The following DAPK1 variants were observed in gnomAD, a reference collection of about 807,000 sequenced individuals.
DAPK1 encodes the protein death-associated protein kinase 1.
In DAPK1, 56 loss-of-function variants were observed where a neutral mutation model predicts 144.9. The ratio of observed to expected loss-of-function variants is 0.39; its 90% confidence interval spans 0.31 to 0.48. The LOEUF is 0.48. Ranked by LOEUF, DAPK1 falls within the 20% of genes least tolerant of loss-of-function variation. DAPK1 has a pLI of 0.95. For missense variants in DAPK1, 1,454 were observed against 1,875.4 expected, an observed-to-expected ratio of 0.78 and a Z score of 4.15; for synonymous variants, 690 against 749.0, an observed-to-expected ratio of 0.92 and a Z score of 1.29.
At chr9:87,691,304 A>G (rs987498113) in intron 21 of DAPK1, among the ~76,000 whole-genome samples, 3 of 151,880 alleles carry the variant, frequency 2.0e-5, no homozygotes, top group Non-Finnish European at 4.4e-5. Flanking sequence ...ACCTCTGATG[A>G]TCTTTGGTAT....
chr9:87,627,363 C>G (rs552485935), intron 3 of DAPK1, among the ~76,000 whole-genome samples: 1 of 152,290 alleles, frequency 6.6e-6, no homozygotes, highest in African/African-American at 2.4e-5. Context: ...TTACTGAGAG[C>G]TGAGAATGAC....
intron 2 of DAPK1, among the ~76,000 whole-genome samples, chr9:87,588,890 T>TG (rs1274645978): frequency 1.3e-5 from 2 of 151,280 alleles, no homozygotes; most frequent in Non-Finnish European, 2.9e-5. Context: ...CATCTTTTTC[T>TG]GGGGGGCGGG....
At chr9:87,508,087 G>A (rs1322119791) in intron 2 of DAPK1, among the ~76,000 whole-genome samples, 2 of 151,792 alleles carry the variant, frequency 1.3e-5, no homozygotes, top group Admixed American at 6.6e-5. Flanking sequence ...CTCTTGGCTC[G>A]CTGCAACCTC....
At chr9:87,561,094 A>G (rs1826898829) in intron 2 of DAPK1, among the ~76,000 whole-genome samples, 1 of 151,844 alleles carries the variant, frequency 6.6e-6, no homozygotes, top group Non-Finnish European at 1.5e-5. Context: ...CTTTCCCTTC[A>G]TTTTCCCCAA....
rs10659497 is a variant in DAPK1 at position 87,582,557 on chromosome 9, C to CTTTTTTTTTTTTTTTTTTTTTTTT, written c.63-22382_63-22381insTTTTTTTTTTTTTTTTTTTTTTTT. On this transcript the variant is annotated intron_variant, in intron 2 of 25. Coordinates refer to ENST00000408954, the MANE Select transcript of DAPK1 (RefSeq NM_004938.4). The stretch of plus-strand genomic sequence containing the variant: ...TGGTCACACTTTGCCAATTTTCCTG[C>CTTTTTTTTTTTTTTTTTTTTTTTT]TTTTTTTTTTTTTTTGAGATGGAAT... Among the ~76,000 whole-genome samples, 2 of 139,500 alleles carry CTTTTTTTTTTTTTTTTTTTTTTTT rather than the reference C, an allele frequency of 1.4e-5. 1 individual carries two copies. The allele number at this position is 139,500 out of a possible 152,430, so 91.5% of individuals were successfully genotyped here. A position where few individuals can be genotyped will look rare whatever the true frequency, so the allele number is the denominator to read the frequency against.
At chr9:87,579,335 T>C (rs1233309714) in intron 2 of DAPK1, among the ~76,000 whole-genome samples, 1 of 152,194 alleles carries the variant, frequency 6.6e-6, no homozygotes, top group Non-Finnish European at 1.5e-5. Flanking sequence ...TCAAACTGAG[T>C]GTGCATTACC....
intron 2 of DAPK1, among the ~76,000 whole-genome samples, chr9:87,543,719 T>C (rs1826135249): frequency 6.6e-6 from 1 of 152,224 alleles, no homozygotes; most frequent in African/African-American, 2.4e-5. Flanking sequence ...AAATGCATTA[T>C]CTTTGCTATG....
Position 87,621,353 on chromosome 9 carries a change from G to A in DAPK1, c.284+16178G>A, listed in dbSNP as rs754566013. 3.3e-5 allele frequency among the ~76,000 whole-genome samples: 5 copies of A among 152,196 alleles called. 1 individual carries two copies. Among genetic ancestry groups the A allele is most frequent in the Admixed American group, 6.5e-5 (1 of 15,284 alleles). On this transcript the variant is annotated intron_variant, in intron 3 of 25. Transcript: ENST00000408954. ...ACCCACATCCCGTTTACAGCGACCC[G>A]GTTGTCAGGCTCGGCCATTGCACTG...
intron 2 of DAPK1, among the ~76,000 whole-genome samples, chr9:87,524,795 A>G (rs1173549617): frequency 6.6e-6 from 1 of 152,250 alleles, no homozygotes; most frequent in East Asian, 1.9e-4. Context: ...AAGAATGGAA[A>G]ACTAAATATT....
chr9:87,689,508 TGTTTA>T (rs1370490233), intron 21 of DAPK1, among the ~76,000 whole-genome samples: 2 of 152,354 alleles, frequency 1.3e-5, no homozygotes, highest in South Asian at 4.1e-4. Context: ...GTGCAAAAAC[TGTTTA>T]GTTTAATACA....
chr9:87,513,477 G>A (rs1824929558), intron 2 of DAPK1, among the ~76,000 whole-genome samples: 1 of 152,228 alleles, frequency 6.6e-6, no homozygotes. Context: ...GGGTATGTAT[G>A]TATGTCTCTA....
chr9:87,571,868 G>A (rs1827375016), intron 2 of DAPK1, among the ~76,000 whole-genome samples: 1 of 152,198 alleles, frequency 6.6e-6, no homozygotes, highest in South Asian at 2.1e-4. Context: ...TCCTTCTGAG[G>A]GGCTAAGTGG....
chr9:87,655,697 A>AT (rs1404044678), intron 17 of DAPK1, among the ~76,000 whole-genome samples: 4 of 152,184 alleles, frequency 2.6e-5, no homozygotes, highest in African/African-American at 9.7e-5. Flanking sequence ...CCTCCTTCTC[A>AT]TATGGAAATC....
At chr9:87,629,219 C>CAG (rs1370304156) in intron 3 of DAPK1, among the ~76,000 whole-genome samples, 1 of 152,144 alleles carries the variant, frequency 6.6e-6, no homozygotes, top group Non-Finnish European at 1.5e-5. Context: ...GATGCAGACA[C>CAG]AGACGTGTGT....
chr9:87,617,554 C>A (rs529448539), intron 3 of DAPK1, among the ~76,000 whole-genome samples: 11 of 152,356 alleles, frequency 7.2e-5, no homozygotes, highest in Non-Finnish European at 1.5e-4. Context: ...ATTCCCCCTT[C>A]AGATCACTTT....
At chr9:87,669,772 G>GC (rs1554701822) in intron 19 of DAPK1, among the ~76,000 whole-genome samples, 1 of 151,712 alleles carries the variant, frequency 6.6e-6, no homozygotes, top group East Asian at 1.9e-4. Flanking sequence ...GCAGGGGGGG[G>GC]CCACAGATTG....
chr9:87,668,284 G>A lies in DAPK1; in HGVS notation c.1924-313G>A, dbSNP rs36216041. 6.4e-3 allele frequency among the ~76,000 whole-genome samples: 977 copies of A among 152,280 alleles called. 13 individuals are homozygous for A. The highest frequency in any genetic ancestry group is 0.022 in the African/African-American group (914 of 41,556). ...ATTGGAGATTGGAGAGAGGGGTTCAGGACAGGGAGGAACCAGCCAGCTGAG... is the reference window on the plus strand; with the variant it reads ...ATTGGAGATTGGAGAGAGGGGTTCAAGACAGGGAGGAACCAGCCAGCTGAG... On this transcript the variant is annotated intron_variant, in intron 18 of 25. Coordinates refer to ENST00000408954, the MANE Select transcript of DAPK1 (RefSeq NM_004938.4).
At chr9:87,577,811 A>G (rs1184508099) in intron 2 of DAPK1, among the ~76,000 whole-genome samples, 1 of 152,172 alleles carries the variant, frequency 6.6e-6, no homozygotes, top group African/African-American at 2.4e-5. Flanking sequence ...AAAATAAAAA[A>G]TAAAAAAAGA....
intron 25 of DAPK1, among the ~76,000 whole-genome samples, chr9:87,704,135 A>G: frequency 6.6e-6 from 1 of 152,170 alleles, no homozygotes; most frequent in East Asian, 1.9e-4. Context: ...ATCAGCCTTT[A>G]AACTCCCAGT....
Sources: allele counts gnomAD v4.1 joint callset (sites outside exome capture counted in the v4.1 genomes callset), GRCh38; gene constraint gnomAD v4.1.1; transcripts MANE v1.5; gene names NCBI Gene and HGNC (gene_info 2026-07-23, HGNC 2026-07-21).